Variants in IL17RD observed in about 807,000 individuals in gnomAD.
The protein encoded by IL17RD is interleukin-17 receptor D.
In IL17RD, 52 loss-of-function variants were observed where a neutral mutation model predicts 80.5. The observed-to-expected ratio is 0.65, with a 90% CI of 0.52 to 0.81. IL17RD has a LOEUF of 0.81. Ranked by LOEUF, IL17RD falls within the 40% of genes least tolerant of loss-of-function variation. The probability of loss-of-function intolerance (pLI) is 0.00; values close to 1 mark genes in which losing one functional copy is unlikely to be tolerated. For synonymous variants in IL17RD, 416 were observed against 391.8 expected (o/e 1.06, Z -0.73); for missense variants, 1,024 against 955.1 (o/e 1.07, Z -0.95).
intron 1 of IL17RD, among the ~76,000 whole-genome samples, chr3:57,154,279 T>TATATACAC (rs2060252268): frequency 7.9e-6 from 1 of 126,340 alleles, no homozygotes; most frequent in African/African-American, 3.3e-5. Flanking sequence ...TATATATATA[T>TATATACAC]ATATACACAC....
At position 57,127,303 on chromosome 3, in the gene IL17RD, TAAAAATATATAA is replaced by T. The variant is rs1228259249; in HGVS notation, c.127-7002_127-6991del. Among the ~76,000 whole-genome samples the T allele has an allele frequency of 1.9e-3, 165 of 87,524 alleles. 11 individuals carry two copies. Among genetic ancestry groups the T allele is most frequent in the African/African-American group, 9.0e-3 (147 of 16,298 alleles). 57.4% of individuals were successfully genotyped at this position (87,524 alleles called of 152,430 possible). On this transcript the variant is annotated intron_variant, in intron 1 of 12. Coordinates refer to ENST00000296318, the MANE Select transcript of IL17RD (RefSeq NM_017563.5). ...ATATATAAATATATATAAATATATA[TAAAAATATATAA>T]AAATATATATAAATATATATAAAAA...
upstream of IL17RD, among the ~76,000 whole-genome samples, chr3:57,169,600 G>A (rs1283728110): frequency 6.6e-6 from 1 of 152,076 alleles, no homozygotes. Flanking sequence ...TTTTGAGCAG[G>A]GAATAACTAA....
At position 57,096,400 on chromosome 3, in the gene IL17RD, G is replaced by A; in HGVS notation, c.2213C>T (p.Pro738Leu). 6.2e-7 allele frequency: 1 copy of A among 1,611,806 alleles called. No homozygotes were observed. Among genetic ancestry groups the A allele is most frequent in the Non-Finnish European group, 8.5e-7 (1 of 1,177,880 alleles). ...SYTDELHAVAPL is the reference protein window; with the variant it reads ...SYTDELHAVALL ...TTAGACTCTTTCGTTTTGTTACAAA[G>A]GGGCGACCGCGTGGAGTTCATCAGT... Residue 738 changes from proline (P) to leucine (L), a missense_variant, in exon 13 of 13, where the codon CCT becomes CTT. Physicochemically the swap from Pro to Leu is moderately conservative, Grantham distance 98 (BLOSUM62 -3). Coordinates refer to ENST00000296318, the MANE Select transcript of IL17RD (RefSeq NM_017563.5).
At chr3:57,110,069 C>T in intron 4 of IL17RD, 124 bp downstream of exon 4, 1 of 1,097,382 alleles carries the variant, frequency 9.1e-7, no homozygotes, top group Non-Finnish European at 1.3e-6. Flanking sequence ...ACCATTCTTG[C>T]CCACCTTGGC....
chr3:57,144,014 T>G (rs994008756), intron 1 of IL17RD, among the ~76,000 whole-genome samples: 1 of 152,196 alleles, frequency 6.6e-6, no homozygotes, highest in Non-Finnish European at 1.5e-5. Flanking sequence ...TTTCAAGATG[T>G]TCTCACCAGA....
At chr3:57,114,914 C>T in intron 2 of IL17RD, 97 bp from the exon 3 acceptor site, 3 of 977,830 alleles carry the variant, frequency 3.1e-6, no homozygotes, top group Non-Finnish European at 4.3e-6. Flanking sequence ...CTGAAGGTGG[C>T]CAAATCCATT....
chr3:57,140,389 C>G (rs1350260291), intron 1 of IL17RD, among the ~76,000 whole-genome samples: 2 of 152,078 alleles, frequency 1.3e-5, no homozygotes, highest in Non-Finnish European at 1.5e-5. Context: ...TGACAATTTC[C>G]CAGAACTCAA....
chr3:57,163,588 A>G (rs191329183), intron 1 of IL17RD, among the ~76,000 whole-genome samples: 1 of 152,306 alleles, frequency 6.6e-6, no homozygotes, highest in African/African-American at 2.4e-5. Flanking sequence ...GTAGTCATTC[A>G]AAAGCCAATA....
chr3:57,152,255 C>T (rs1049368665), intron 1 of IL17RD, among the ~76,000 whole-genome samples: 5 of 152,186 alleles, frequency 3.3e-5, no homozygotes, highest in Admixed American at 6.5e-5. Context: ...CCAGGAGCTC[C>T]GGCCCGCTGG....
chr3:57,145,617 G>A (rs1188780457), intron 1 of IL17RD, among the ~76,000 whole-genome samples: 3 of 152,218 alleles, frequency 2.0e-5, no homozygotes, highest in East Asian at 1.9e-4. Context: ...ACACCCAGGT[G>A]CAAGGGGCAA....
Position 57,105,993 on chromosome 3 carries a change from T to G in IL17RD, c.611A>C (p.Asn204Thr). The G allele has an allele frequency of 6.2e-7, 1 of 1,613,832 alleles. No individual in the cohort carries two copies. The highest frequency in any genetic ancestry group is 8.5e-7 in the Non-Finnish European group (1 of 1,179,786). ...LACKPFWKPR[N>T]LNISQHGSDM... ...CGAGCCATGCTGGCTGATGTTCAGG[T>G]TCCGAGGCTTCCAGACTGGAAGAAG... Residue 204 changes from asparagine to threonine, a missense_variant, in exon 7 of 13, where the codon AAC becomes ACC. Coordinates refer to ENST00000296318, the MANE Select transcript of IL17RD (RefSeq NM_017563.5).
chr3:57,103,087 C>T lies in IL17RD; in HGVS notation c.868+4G>A. The T allele has an allele frequency of 6.3e-7, 1 of 1,592,124 alleles. No individual in the cohort carries two copies. The highest frequency in any genetic ancestry group is 8.6e-7 in the Non-Finnish European group (1 of 1,167,600). ...AGCCAAATTTCAAACAAAAAAGCAC[C>T]TACCTGGCTTTAAGGCATAATGCAT... On this transcript the variant is annotated splice_donor_region_variant and intron_variant, in intron 9 of 12. Coordinates refer to ENST00000296318, the MANE Select transcript of IL17RD (RefSeq NM_017563.5).
intron 1 of IL17RD, among the ~76,000 whole-genome samples, chr3:57,163,262 G>A (rs2060318180): frequency 6.6e-6 from 1 of 152,174 alleles, no homozygotes; most frequent in Admixed American, 6.5e-5. Context: ...GTGGGGCCAA[G>A]GCAGGAGCAG....
chr3:57,106,227 G>A, intron 5 of IL17RD, 73 bp from the exon 6 acceptor site: 1 of 1,068,928 alleles, frequency 9.4e-7, no homozygotes, highest in Non-Finnish European at 1.4e-6. Context: ...ACAACCCAAT[G>A]AAATATAAAG....
intron 1 of IL17RD, among the ~76,000 whole-genome samples, chr3:57,122,858 T>C (rs1707371058): frequency 6.7e-6 from 1 of 150,278 alleles, no homozygotes; most frequent in African/African-American, 2.4e-5. Flanking sequence ...ACACATTCCA[T>C]CTAACAATAT....
At chr3:57,103,571 G>A (rs1022283458) in intron 8 of IL17RD, among the ~76,000 whole-genome samples, 1 of 152,176 alleles carries the variant, frequency 6.6e-6, no homozygotes, top group Non-Finnish European at 1.5e-5. Flanking sequence ...CTACCAAAAT[G>A]TTAAGACATG....
chr3:57,125,878 A>G (rs1449738525), intron 1 of IL17RD, among the ~76,000 whole-genome samples: 1 of 152,226 alleles, frequency 6.6e-6, no homozygotes, highest in East Asian at 1.9e-4. Flanking sequence ...CCTGGGCCTG[A>G]CACATAGTCC....
chr3:57,160,347 G>A (rs962123353), intron 1 of IL17RD, among the ~76,000 whole-genome samples: 1 of 152,074 alleles, frequency 6.6e-6, no homozygotes, highest in Admixed American at 6.5e-5. Flanking sequence ...AATGAAGCAT[G>A]AAAAATACTT....
intron 5 of IL17RD, among the ~76,000 whole-genome samples, chr3:57,109,135 T>C (rs1293405157): frequency 6.6e-6 from 1 of 152,132 alleles, no homozygotes; most frequent in Non-Finnish European, 1.5e-5. Context: ...ATTTGGCATG[T>C]TTTTTGTTTG....
Sources: gnomAD v4.1 joint callset for allele counts (sites outside exome capture counted in the v4.1 genomes callset) on GRCh38, gnomAD v4.1.1 for gene constraint, MANE v1.5 for transcripts, NCBI Gene and HGNC (gene_info 2026-07-23, HGNC 2026-07-21) for gene names.